The following SLC25A21 variants were observed in gnomAD, a reference collection of about 807,000 sequenced individuals.
SLC25A21 encodes mitochondrial 2-oxodicarboxylate carrier.
A neutral mutation model predicts 43.8 loss-of-function variants in SLC25A21; 47 were observed. The observed-to-expected ratio is 1.07, with a 90% CI of 0.85 to 1.37. The LOEUF (loss-of-function observed/expected upper bound fraction) is 1.37. Among genes scored for constraint, SLC25A21 ranks in the 40% most tolerant of loss-of-function variants. SLC25A21 has a pLI of 0.00. For synonymous variants in SLC25A21, 131 were observed against 121.3 expected, an observed-to-expected ratio of 1.08 and a Z score of -0.52; for missense variants, 352 against 350.2, an observed-to-expected ratio of 1.00 and a Z score of -0.04.
intron 2 of SLC25A21, among the ~76,000 whole-genome samples, chr14:36,871,142 G>T (rs1890360973): frequency 1.3e-5 from 2 of 151,790 alleles, no homozygotes; most frequent in African/African-American, 4.8e-5. Flanking sequence ...AAATCCATAT[G>T]GTGAAATCCA....
At chr14:36,957,919 C>T (rs1959383943) in intron 1 of SLC25A21, among the ~76,000 whole-genome samples, 1 of 152,122 alleles carries the variant, frequency 6.6e-6, no homozygotes, top group Non-Finnish European at 1.5e-5. Flanking sequence ...ATCTTTTTCT[C>T]CTGGGTAACT....
Position 36,786,134 on chromosome 14 carries a change from T to A in SLC25A21, c.203+27784A>T, listed in dbSNP as rs151025942. Among the ~76,000 whole-genome samples, 100 of 152,316 alleles carry A rather than the reference T, an allele frequency of 6.6e-4. 2 individuals are homozygous for A. The East Asian group carries it at 0.017, about 27-fold the overall frequency. On this transcript the variant is annotated intron_variant, in intron 3 of 9. Transcript: ENST00000331299. ...AACGCCTGGATTTATTTATTAGCTA[T>A]GGGACCTTGGGCACCTTGGTTTCCA...
At chr14:36,699,447 A>T (rs1883182292) in intron 7 of SLC25A21, among the ~76,000 whole-genome samples, 1 of 152,206 alleles carries the variant, frequency 6.6e-6, no homozygotes. Context: ...CTCAGAGCTC[A>T]AACGCCATGC....
chr14:36,701,674 T>G (rs1048608203), intron 7 of SLC25A21, among the ~76,000 whole-genome samples: 1 of 152,194 alleles, frequency 6.6e-6, no homozygotes, highest in Non-Finnish European at 1.5e-5. Flanking sequence ...TTCACAGATA[T>G]AATATGTATT....
At chr14:36,859,538 A>G (rs1344837584) in intron 2 of SLC25A21, among the ~76,000 whole-genome samples, 2 of 152,164 alleles carry the variant, frequency 1.3e-5, no homozygotes, top group Non-Finnish European at 2.9e-5. Context: ...TGGAGTTAAG[A>G]GGCTTGAACC....
At chr14:37,135,345 G>T (rs1014575562) in intron 1 of SLC25A21, among the ~76,000 whole-genome samples, 1 of 152,118 alleles carries the variant, frequency 6.6e-6, no homozygotes, top group African/African-American at 2.4e-5. Context: ...GCTGCAGTGA[G>T]CTATGATTTT....
At chr14:36,989,462 TATG>T (rs1203187831) in intron 1 of SLC25A21, among the ~76,000 whole-genome samples, 1 of 152,200 alleles carries the variant, frequency 6.6e-6, no homozygotes, top group Middle Eastern at 3.4e-3. Flanking sequence ...ATAGTGGAGG[TATG>T]ATGATGTCCT....
At chr14:36,854,942 G>GA (rs376658986) in intron 2 of SLC25A21, among the ~76,000 whole-genome samples, 1 of 146,606 alleles carries the variant, frequency 6.8e-6, no homozygotes, top group Admixed American at 6.8e-5. Context: ...GTGGGGGGGG[G>GA]TATTCTGCCA....
At chr14:37,043,737 T>G (rs1383263034) in intron 1 of SLC25A21, among the ~76,000 whole-genome samples, 8 of 151,880 alleles carry the variant, frequency 5.3e-5, no homozygotes. Flanking sequence ...TCCCATTCTT[T>G]TTTTGTTTTG....
At chr14:36,968,150 G>GA (rs1836540995) in intron 1 of SLC25A21, among the ~76,000 whole-genome samples, 1 of 152,132 alleles carries the variant, frequency 6.6e-6, no homozygotes. Context: ...GGCCAGTGAG[G>GA]AATAGTTTCT....
chr14:37,158,677 T>C (rs1283016034), intron 1 of SLC25A21, among the ~76,000 whole-genome samples: 2 of 152,088 alleles, frequency 1.3e-5, no homozygotes, highest in African/African-American at 4.8e-5. Flanking sequence ...GAACACTGGT[T>C]CTGGATGCCC....
chr14:36,736,960 A>G (rs1885067192), intron 3 of SLC25A21, among the ~76,000 whole-genome samples: 1 of 152,202 alleles, frequency 6.6e-6, no homozygotes, highest in Non-Finnish European at 1.5e-5. Flanking sequence ...TAAAGATAGA[A>G]TGGGCTCTCC....
chr14:36,854,158 C>A (rs762689544), intron 2 of SLC25A21, among the ~76,000 whole-genome samples: 1 of 152,046 alleles, frequency 6.6e-6, no homozygotes, highest in Non-Finnish European at 1.5e-5. Context: ...AATATAAATG[C>A]GACATGATCT....
At chr14:37,126,076 A>G (rs564290381) in intron 1 of SLC25A21, among the ~76,000 whole-genome samples, 1 of 152,130 alleles carries the variant, frequency 6.6e-6, no homozygotes, top group Non-Finnish European at 1.5e-5. Flanking sequence ...TACTGCCTAC[A>G]TTTTTATTTT....
At chr14:36,876,787 T>C (rs1890539026) in intron 1 of SLC25A21, among the ~76,000 whole-genome samples, 1 of 151,580 alleles carries the variant, frequency 6.6e-6, no homozygotes, top group Admixed American at 6.6e-5. Context: ...TATTCTATGT[T>C]TGTTGCTGTT....
intron 4 of SLC25A21, among the ~76,000 whole-genome samples, chr14:36,732,898 A>T (rs1489326271): frequency 6.6e-6 from 1 of 152,206 alleles, no homozygotes; most frequent in African/African-American, 2.4e-5. Context: ...AATAATTTTA[A>T]GGTAAAATCT....
At chr14:36,682,615 C>G (rs1882327886) in intron 9 of SLC25A21, among the ~76,000 whole-genome samples, 1 of 152,156 alleles carries the variant, frequency 6.6e-6, no homozygotes. Flanking sequence ...CTGTGATTTC[C>G]TCTCATATTA....
At chr14:37,009,077 T>C (rs1960672072) in intron 1 of SLC25A21, among the ~76,000 whole-genome samples, 1 of 152,212 alleles carries the variant, frequency 6.6e-6, no homozygotes, top group Non-Finnish European at 1.5e-5. Context: ...TCTTTTCCCC[T>C]ACCCCTACCC....
chr14:37,119,622 G>T (rs570097989), intron 1 of SLC25A21, among the ~76,000 whole-genome samples: 1 of 152,102 alleles, frequency 6.6e-6, no homozygotes, highest in African/African-American at 2.4e-5. Flanking sequence ...AGCCCACGCC[G>T]CTGCTCTGCC....
Sources: gnomAD v4.1 joint callset for allele counts (sites outside exome capture counted in the v4.1 genomes callset) on GRCh38, gnomAD v4.1.1 for gene constraint, MANE v1.5 for transcripts, NCBI Gene and HGNC (gene_info 2026-07-23, HGNC 2026-07-21) for gene names.